Variants in PCDHGB2 observed in about 807,000 individuals in gnomAD.
PCDHGB2 encodes protocadherin gamma-B2.
A neutral mutation model predicts 59.3 loss-of-function variants in PCDHGB2; 55 were observed. The observed-to-expected ratio is 0.93, with a 90% CI of 0.75 to 1.16. The LOEUF (loss-of-function observed/expected upper bound fraction) is 1.16, where lower values mean the gene tolerates loss of function less well. PCDHGB2 is among the 50% of genes most tolerant of loss of function. The probability of loss-of-function intolerance (pLI) is 0.00; values close to 1 mark genes in which losing one functional copy is unlikely to be tolerated. For missense variants in PCDHGB2, 1,228 were observed against 1,198.5 expected (o/e 1.02, Z -0.36); for synonymous variants, 516 against 512.0 (o/e 1.01, Z -0.11).
At chr5:141,461,614 T>G (rs954890718) in intron 1 of PCDHGB2, among the ~76,000 whole-genome samples, 11 of 152,208 alleles carry the variant, frequency 7.2e-5, no homozygotes, top group Non-Finnish European at 1.2e-4. Flanking sequence ...TTCAAAGTAT[T>G]TTCTAATACA....
intron 1 of PCDHGB2, chr5:141,385,135 G>A (rs948872903): frequency 6.2e-7 from 1 of 1,614,214 alleles, no homozygotes; most frequent in Admixed American, 1.7e-5. Context: ...CATGGACGGG[G>A]TGCAGGCTTT....
At chr5:141,423,618 C>T (rs2096760725) in intron 1 of PCDHGB2, 2 of 1,608,284 alleles carry the variant, frequency 1.2e-6, no homozygotes, top group East Asian at 2.2e-5. Flanking sequence ...TAGCTGAAGA[C>T]TCAGCTATCA....
chr5:141,408,211 G>A (rs1285774248), intron 1 of PCDHGB2: 1 of 1,554,426 alleles, frequency 6.4e-7, no homozygotes, highest in South Asian at 1.2e-5. Flanking sequence ...CGATGGGAGG[G>A]AGCTGCGCGC....
At position 141,460,518 on chromosome 5, in the gene PCDHGB2, C is replaced by T. The variant is rs190277142; in HGVS notation, c.2422-34289C>T. ...AAATATGCTGAGAAGGCTATCTTTT[C>T]CCCACCAAATAATCTTAGCACCTTA... On this transcript the variant is annotated intron_variant, in intron 1 of 3. Coordinates refer to ENST00000522605, the MANE Select transcript of PCDHGB2 (RefSeq NM_018923.3). Among the ~76,000 whole-genome samples, 53 of 152,196 alleles carry T rather than the reference C, an allele frequency of 3.5e-4. 1 individual carries two copies. Among genetic ancestry groups the T allele is most frequent in the African/African-American group, 1.2e-3 (50 of 41,522 alleles).
intron 1 of PCDHGB2, chr5:141,423,296 T>G (rs771340929): frequency 6.2e-7 from 1 of 1,614,124 alleles, no homozygotes; most frequent in Non-Finnish European, 8.5e-7. Context: ...ACCTCAGACC[T>G]CTCGCTGTAC....
intron 1 of PCDHGB2, chr5:141,417,686 G>A (rs1300052006): frequency 8.4e-6 from 9 of 1,068,196 alleles, no homozygotes; most frequent in South Asian, 1.8e-5. Context: ...CAACAGAAAA[G>A]AAAACCAGCT....
At chr5:141,379,087 A>G (rs1464802506) in intron 1 of PCDHGB2, 1 of 152,222 alleles carries the variant, frequency 6.6e-6, no homozygotes, top group Non-Finnish European at 1.5e-5. Flanking sequence ...TTTGTTATGA[A>G]TGTGTAAGAA....
chr5:141,439,368 A>C (rs1346879772), intron 1 of PCDHGB2, among the ~76,000 whole-genome samples: 1 of 152,192 alleles, frequency 6.6e-6, no homozygotes, highest in East Asian at 1.9e-4. Flanking sequence ...CATCAAGAAG[A>C]AATAAAAATA....
At position 141,360,056 on chromosome 5, in the gene PCDHGB2, A is replaced by C; in HGVS notation, c.-80A>C. 6.9e-7 allele frequency: 1 copy of C among 1,446,522 alleles called. No homozygotes were observed. Among genetic ancestry groups the C allele is most frequent in the Non-Finnish European group, 9.1e-7 (1 of 1,094,758 alleles). The allele number at this position is 1,446,522 out of a possible 1,614,324, so 89.6% of individuals were successfully genotyped here. A position where few individuals can be genotyped will look rare whatever the true frequency, so the allele number is the denominator to read the frequency against. On this transcript the variant is annotated 5_prime_UTR_variant, in exon 1 of 4. Coordinates refer to ENST00000522605, the MANE Select transcript of PCDHGB2 (RefSeq NM_018923.3). ...TTCGGAAACAGAAAACAAAAGCAGGAAAAGTGACCTTAGCCCGGATTCTGC... is the reference window on the plus strand; with the variant it reads ...TTCGGAAACAGAAAACAAAAGCAGGCAAAGTGACCTTAGCCCGGATTCTGC...
At position 141,491,825 on chromosome 5, in the gene PCDHGB2, C is replaced by A. The variant is rs948385010; in HGVS notation, c.2422-2982C>A. ...CGGCTTGGTCGCTGGCTGCGCTCCA[C>A]CCGATTCTCGGGATCATTGGACCGT... On this transcript the variant is annotated intron_variant, in intron 1 of 3. Coordinates refer to ENST00000522605, the MANE Select transcript of PCDHGB2 (RefSeq NM_018923.3). This position sits in a 1 kb window ranked among gnomAD's most constrained non-coding sequence, Gnocchi z 6.9. 145 of 1,478,052 alleles carry A rather than the reference C, an allele frequency of 9.8e-5. No homozygotes were observed. Among genetic ancestry groups the A allele is most frequent in the Non-Finnish European group, 1.3e-4 (142 of 1,114,822 alleles). 91.6% of individuals were successfully genotyped at this position (1,478,052 alleles called of 1,614,324 possible). A position where few individuals can be genotyped will look rare whatever the true frequency, so the allele number is the denominator to read the frequency against.
chr5:141,391,899 T>G (rs1283624057), intron 1 of PCDHGB2: 2 of 152,212 alleles, frequency 1.3e-5, no homozygotes, highest in Non-Finnish European at 2.9e-5. Flanking sequence ...GGATGGAGCT[T>G]TGCTTTTTAT....
chr5:141,441,797 G>A, intron 1 of PCDHGB2: 2 of 386,536 alleles, frequency 5.2e-6, no homozygotes, highest in Non-Finnish European at 1.0e-5. Context: ...ACAACGCACC[G>A]CGGGTGCTGT....
chr5:141,383,903 TC>T lies in PCDHGB2; in HGVS notation c.2421+21348del, dbSNP rs769022323. On this transcript the variant is annotated intron_variant, in intron 1 of 3. Transcript: ENST00000522605. ...AGTCTGACAAAGGCAAAAGTACTGA[TC>T]ACAGTTTTAGATGTAAATGATAATG... The T allele has an allele frequency of 8.9e-5, 144 of 1,613,802 alleles. 1 individual carries two copies. The highest frequency in any genetic ancestry group is 1.1e-4 in the Non-Finnish European group (134 of 1,179,876).
intron 1 of PCDHGB2, chr5:141,372,861 T>C (rs1283954034): frequency 7.0e-7 from 1 of 1,420,218 alleles, no homozygotes; most frequent in South Asian, 1.4e-5. Context: ...TTTCAATTCA[T>C]TGATTTAGAG....
In PCDHGB2 at chr5:141,393,593, G is replaced by A. The variant is rs2092803808; in HGVS notation, c.2421+31037G>A. ...TTGAGAACATGCCCCCAGGCACGCG[G>A]CTGCTTACTGTAACAGCCAGCGACC... On this transcript the variant is annotated intron_variant, in intron 1 of 3. Transcript: ENST00000522605. The A allele has an allele frequency of 5.0e-6, 8 of 1,613,906 alleles. No individual in the cohort carries two copies. The East Asian group carries it at 1.8e-4, about 36-fold the overall frequency.
intron 1 of PCDHGB2, chr5:141,365,192 A>C: frequency 6.2e-7 from 1 of 1,613,930 alleles, no homozygotes; most frequent in South Asian, 1.1e-5. Context: ...AGAAGAAAAA[A>C]TTTCGGAGAC....
intron 1 of PCDHGB2, chr5:141,399,794 C>T (rs2093888579): frequency 1.9e-6 from 3 of 1,613,268 alleles, no homozygotes; most frequent in Middle Eastern, 1.7e-4. Flanking sequence ...GACAACGCAC[C>T]GCGGGTGCTG....
chr5:141,499,423 G>GA (rs1229901490), intron 2 of PCDHGB2, among the ~76,000 whole-genome samples: 1 of 151,754 alleles, frequency 6.6e-6, no homozygotes, highest in Non-Finnish European at 1.5e-5. Flanking sequence ...ATGAAAAATA[G>GA]AAAAAAAATT....
intron 2 of PCDHGB2, among the ~76,000 whole-genome samples, chr5:141,503,269 C>T (rs1161751693): frequency 6.6e-6 from 1 of 152,116 alleles, no homozygotes; most frequent in Non-Finnish European, 1.5e-5. Flanking sequence ...ACCCCAGCAC[C>T]TGGCTCTGTG....
Sources: gnomAD v4.1 joint callset for allele counts (sites outside exome capture counted in the v4.1 genomes callset) on GRCh38, gnomAD v4.1.1 for gene constraint, Gnocchi (gnomAD v3.1) non-coding constraint, MANE v1.5 for transcripts, NCBI Gene and HGNC (gene_info 2026-07-23, HGNC 2026-07-21) for gene names.